The following NCALD variants were observed in gnomAD, a reference collection of about 807,000 sequenced individuals.
NCALD encodes the protein neurocalcin delta.
Under a neutral mutation model 18.6 loss-of-function variants are expected in NCALD, and 10 were observed. The observed-to-expected ratio is 0.54, with a 90% CI of 0.33 to 0.91. NCALD has a LOEUF of 0.91. Among genes scored for constraint, NCALD ranks in the 40% least tolerant of loss-of-function variants. NCALD has a pLI of 0.03. For synonymous variants in NCALD, 88 were observed against 87.4 expected, an observed-to-expected ratio of 1.01 and a Z score of -0.04; for missense variants, 184 against 247.6, an observed-to-expected ratio of 0.74 and a Z score of 1.72.
At chr8:101,695,292 G>A (rs945684154) in intron 2 of NCALD, among the ~76,000 whole-genome samples, 1 of 152,160 alleles carries the variant, frequency 6.6e-6, no homozygotes, top group Non-Finnish European at 1.5e-5. Flanking sequence ...AAGTTTTAAG[G>A]GGGCTGTGTA....
At chr8:101,914,117 T>C (rs764660089) in intron 3 of NCALD, among the ~76,000 whole-genome samples, 40 of 152,228 alleles carry the variant, frequency 2.6e-4, no homozygotes, top group Non-Finnish European at 4.9e-4. Flanking sequence ...CTATTTTTGG[T>C]CCAGGATCCC....
intron 2 of NCALD, 101 bp from the exon 3 acceptor site, chr8:101,692,997 A>T: frequency 1.2e-6 from 1 of 817,860 alleles, no homozygotes; most frequent in Non-Finnish European, 2.0e-6. Flanking sequence ...GAATGTCCCC[A>T]TCCGCATTGG....
In NCALD at chr8:101,943,984, A is replaced by C. The variant is rs915115169; in HGVS notation, c.-156-28126T>G. On this transcript the variant is annotated intron_variant, in intron 2 of 6. Transcript: ENST00000311028. The stretch of plus-strand genomic sequence containing the variant: ...ACAAAAAACAAACAAACAAACAAAA[A>C]AAAACAGAAAAAAACAGGGGCAACT... 6.6e-4 allele frequency among the ~76,000 whole-genome samples: 100 copies of C among 151,428 alleles called. No individual in the cohort carries two copies. The South Asian group carries it at 0.012, about 19-fold the overall frequency.
intron 1 of NCALD, among the ~76,000 whole-genome samples, chr8:101,723,710 C>T (rs1816459739): frequency 6.6e-6 from 1 of 151,618 alleles, no homozygotes. Flanking sequence ...AAAGTTTTGT[C>T]TTTATTTTTA....
intron 3 of NCALD, among the ~76,000 whole-genome samples, chr8:101,894,920 A>G (rs1817092293): frequency 6.6e-6 from 1 of 150,976 alleles, no homozygotes; most frequent in East Asian, 1.9e-4. Flanking sequence ...TCACAGCCGA[A>G]TTCTACCAGA....
At chr8:102,015,671 C>T (rs1455872236) in intron 2 of NCALD, among the ~76,000 whole-genome samples, 6 of 152,102 alleles carry the variant, frequency 3.9e-5, no homozygotes, top group Admixed American at 3.9e-4. Flanking sequence ...GCTAAGGACA[C>T]AAGGCAACGA....
Position 101,952,550 on chromosome 8 carries a change from C to A in NCALD, c.-156-36692G>T, listed in dbSNP as rs116131836. ...CATTTCCAGTGTTGACACCCCCAGG[C>A]CTGTTGTCCCCTGCTCATCTCTGGT... On this transcript the variant is annotated intron_variant, in intron 2 of 6. Coordinates refer to the NCALD transcript ENST00000311028. Among the ~76,000 whole-genome samples the A allele has an allele frequency of 9.2e-3, 1,406 of 152,278 alleles. 16 individuals carry two copies. Among genetic ancestry groups the A allele is most frequent in the Middle Eastern group, 0.027 (8 of 294 alleles).
At chr8:102,123,124 C>A (rs1219399350) in intron 1 of NCALD, among the ~76,000 whole-genome samples, 14 of 152,212 alleles carry the variant, frequency 9.2e-5, no homozygotes, top group Admixed American at 2.0e-4. Flanking sequence ...GTCTGAGAAA[C>A]CCCTGACAGC....
chr8:101,849,932 T>C (rs1395943084), intron 4 of NCALD, among the ~76,000 whole-genome samples: 1 of 152,212 alleles, frequency 6.6e-6, no homozygotes, highest in Non-Finnish European at 1.5e-5. Flanking sequence ...AGGAAGTTCT[T>C]CTACATTCAA....
intron 1 of NCALD, among the ~76,000 whole-genome samples, chr8:101,776,201 A>C (rs1236658081): frequency 2.0e-5 from 3 of 152,198 alleles, no homozygotes; most frequent in Non-Finnish European, 4.4e-5. Context: ...AATGGCTAAA[A>C]TGGAAAGAAC....
intron 2 of NCALD, among the ~76,000 whole-genome samples, chr8:102,013,075 A>G (rs538148040): frequency 1.3e-5 from 2 of 152,236 alleles, no homozygotes; most frequent in Non-Finnish European, 2.9e-5. Context: ...CAACATTCCT[A>G]CTACCTAGGC....
At chr8:101,703,147 T>G (rs1398770391) in intron 2 of NCALD, among the ~76,000 whole-genome samples, 1 of 125,930 alleles carries the variant, frequency 7.9e-6, no homozygotes, top group Non-Finnish European at 1.9e-5. Context: ...GCGTTCTCTG[T>G]TCCTCTTTTT....
At chr8:101,711,001 C>A (rs1815762786) in intron 2 of NCALD, among the ~76,000 whole-genome samples, 4 of 152,150 alleles carry the variant, frequency 2.6e-5, no homozygotes, top group Admixed American at 2.0e-4. Context: ...CGACAGACAC[C>A]TTATACAGGA....
At chr8:101,946,436 T>C (rs1218036814) in intron 2 of NCALD, among the ~76,000 whole-genome samples, 3 of 152,044 alleles carry the variant, frequency 2.0e-5, no homozygotes, top group East Asian at 1.9e-4. Context: ...CTTCAAAAAG[T>C]TTATGGAAAA....
At chr8:102,119,985 C>T (rs1374261545) in intron 1 of NCALD, among the ~76,000 whole-genome samples, 1 of 152,178 alleles carries the variant, frequency 6.6e-6, no homozygotes, top group African/African-American at 2.4e-5. Context: ...TATAGCTATA[C>T]TTGCAGGAAT....
chr8:101,914,577 C>T (rs989772381), intron 3 of NCALD, among the ~76,000 whole-genome samples: 3 of 152,168 alleles, frequency 2.0e-5, no homozygotes, highest in African/African-American at 7.2e-5. Context: ...TGGAATTCTT[C>T]TACATTCTCT....
At chr8:101,824,828 C>T (rs1361305922) in intron 4 of NCALD, among the ~76,000 whole-genome samples, 1 of 152,194 alleles carries the variant, frequency 6.6e-6, no homozygotes, top group Non-Finnish European at 1.5e-5. Flanking sequence ...GAGTGTCCCA[C>T]ATTTGGCTGG....
chr8:101,782,063 G>GTA (rs567328595), intron 1 of NCALD, among the ~76,000 whole-genome samples: 98 of 80,448 alleles, frequency 1.2e-3, no homozygotes, highest in Admixed American at 5.5e-3. Context: ...AGGGGTTTCA[G>GTA]TATATATATA....
At chr8:102,106,497 T>C (rs191198945) in intron 1 of NCALD, among the ~76,000 whole-genome samples, 1 of 144,924 alleles carries the variant, frequency 6.9e-6, no homozygotes, top group Admixed American at 6.8e-5. Flanking sequence ...ACACATATAC[T>C]ACAGCTGTGC....
Sources: allele counts gnomAD v4.1 joint callset (sites outside exome capture counted in the v4.1 genomes callset), GRCh38; gene constraint gnomAD v4.1.1; transcripts MANE v1.5; gene names NCBI Gene and HGNC (gene_info 2026-07-23, HGNC 2026-07-21).